The following DNAJC5B variants were observed in gnomAD, a reference collection of about 807,000 sequenced individuals.
DNAJC5B encodes the protein dnaJ homolog subfamily C member 5B.
DNAJC5B carries 23 observed loss-of-function variants against 24.7 expected under a neutral mutation model. That is an observed-to-expected ratio of 0.93 (90% CI 0.67 to 1.32). The LOEUF (loss-of-function observed/expected upper bound fraction) is 1.32. Ranked by LOEUF, DNAJC5B falls within the 40% of genes most tolerant of loss-of-function variation. The probability of loss-of-function intolerance (pLI) is 0.00; values close to 1 mark genes in which losing one functional copy is unlikely to be tolerated. For missense variants in DNAJC5B, 238 were observed against 240.8 expected (o/e 0.99, Z 0.08); for synonymous variants, 101 against 90.1 (o/e 1.12, Z -0.68).
chr8:66,015,940 A>C, the DNAJC5B span, among the ~76,000 whole-genome samples: 5 of 152,152 alleles, frequency 3.3e-5, no homozygotes, highest in Non-Finnish European at 7.4e-5. Flanking sequence ...CTGAGGGCAT[A>C]ATTGAGATTG....
chr8:66,043,048 A>C (rs1410008014), intron 1 of DNAJC5B, among the ~76,000 whole-genome samples: 2 of 152,214 alleles, frequency 1.3e-5, no homozygotes, highest in Non-Finnish European at 2.9e-5. Flanking sequence ...GAGTATGGAC[A>C]TTAGCAAGAG....
intron 3 of DNAJC5B, 89 bp from the exon 4 acceptor site, chr8:66,076,571 A>T (rs16932468): frequency 0.046 from 62,521 of 1,354,740 alleles, 2,142 homozygotes; most frequent in African/African-American, 0.16. Context: ...GCTAATAAAG[A>T]ATATACAAAT....
At chr8:66,054,675 A>G (rs1175139798) in intron 3 of DNAJC5B, among the ~76,000 whole-genome samples, 1 of 152,228 alleles carries the variant, frequency 6.6e-6, no homozygotes, top group Non-Finnish European at 1.5e-5. Context: ...TTACATGAAA[A>G]TGGTAGAGTC....
intron 1 of DNAJC5B, among the ~76,000 whole-genome samples, chr8:66,032,237 G>A (rs1196001623): frequency 1.3e-5 from 2 of 152,236 alleles, no homozygotes; most frequent in Non-Finnish European, 2.9e-5. Flanking sequence ...CAGGCCCTGA[G>A]GGTTCCTCCT....
Position 66,076,676 on chromosome 8 carries a change from C to T in DNAJC5B, c.136C>T (p.His46Tyr). The change falls in exon 4 of 6, where the codon CAC becomes TAC. Residue 46 changes from histidine (H) to tyrosine (Y), a missense_variant. His to Tyr is a moderately conservative substitution (Grantham distance 83, BLOSUM62 2). Coordinates refer to ENST00000276570, the MANE Select transcript of DNAJC5B (RefSeq NM_033105.6). Reference protein sequence around the residue: ...KKTYRKLALKHHPDKNPDDPA... With the variant: ...KKTYRKLALKYHPDKNPDDPA... ...TTTTAAAAGAAAATTGGCCCTGAAA[C>T]ACCATCCAGACAAGAATCCAGATGA... is the stretch of plus-strand genomic sequence containing the variant. 3.1e-6 allele frequency: 5 copies of T among 1,614,036 alleles called. No individual in the cohort carries two copies. The highest frequency in any genetic ancestry group is 4.2e-6 in the Non-Finnish European group (5 of 1,179,978).
chr8:66,038,903 C>G (rs1051864205), intron 1 of DNAJC5B, among the ~76,000 whole-genome samples: 1 of 152,152 alleles, frequency 6.6e-6, no homozygotes, highest in Non-Finnish European at 1.5e-5. Context: ...CTAGCAGGGG[C>G]CAAGACTCAG....
chr8:66,059,204 T>G (rs565065612), intron 3 of DNAJC5B, among the ~76,000 whole-genome samples: 2 of 152,386 alleles, frequency 1.3e-5, no homozygotes, highest in South Asian at 4.1e-4. Flanking sequence ...ATTTTATCAT[T>G]GCTAGATCAT....
At chr8:66,022,893 T>G (rs1806169833) in intron 1 of DNAJC5B, among the ~76,000 whole-genome samples, 1 of 152,184 alleles carries the variant, frequency 6.6e-6, no homozygotes, top group Non-Finnish European at 1.5e-5. Flanking sequence ...ATTGGCCCAG[T>G]TTTTAGGCTT....
At chr8:66,074,081 C>T (rs1807410715) in intron 3 of DNAJC5B, among the ~76,000 whole-genome samples, 1 of 152,082 alleles carries the variant, frequency 6.6e-6, no homozygotes, top group Admixed American at 6.6e-5. Flanking sequence ...TAAAATACTA[C>T]AAATTAATTT....
chr8:66,037,210 T>C (rs1806506754), intron 1 of DNAJC5B, among the ~76,000 whole-genome samples: 1 of 152,212 alleles, frequency 6.6e-6, no homozygotes, highest in African/African-American at 2.4e-5. Flanking sequence ...TGTGTGTGTC[T>C]GGGGTCTTGA....
intron 4 of DNAJC5B, 93 bp downstream of exon 4, chr8:66,076,966 TGCTA>T: frequency 7.4e-7 from 1 of 1,344,378 alleles, no homozygotes; most frequent in Admixed American, 1.9e-5. Context: ...CTAACCTTCC[TGCTA>T]TTAAACTCTG....
intron 5 of DNAJC5B, among the ~76,000 whole-genome samples, chr8:66,098,228 G>T (rs1377002453): frequency 6.6e-6 from 1 of 151,848 alleles, no homozygotes; most frequent in Non-Finnish European, 1.5e-5. Flanking sequence ...CTTTGAGACA[G>T]AGTCTCACTC....
intron 3 of DNAJC5B, among the ~76,000 whole-genome samples, chr8:66,069,706 T>G (rs1259377859): frequency 6.6e-6 from 1 of 152,368 alleles, no homozygotes; most frequent in East Asian, 1.9e-4. Flanking sequence ...CTAACTCATT[T>G]TATGAGGCCA....
chr8:66,068,226 G>C (rs1368379856), intron 3 of DNAJC5B, among the ~76,000 whole-genome samples: 1 of 152,122 alleles, frequency 6.6e-6, no homozygotes, highest in Non-Finnish European at 1.5e-5. Flanking sequence ...AGAAATAATA[G>C]GAACAGAGCC....
At chr8:66,040,759 T>TA (rs2128957785) in intron 1 of DNAJC5B, among the ~76,000 whole-genome samples, 1 of 152,336 alleles carries the variant, frequency 6.6e-6, no homozygotes, top group Admixed American at 6.5e-5. Context: ...TCAGAATTCT[T>TA]AAAATCTTTC....
intron 3 of DNAJC5B, among the ~76,000 whole-genome samples, chr8:66,072,354 T>C (rs1807369477): frequency 6.6e-6 from 1 of 152,170 alleles, no homozygotes; most frequent in South Asian, 2.1e-4. Context: ...TCTGGCTTGA[T>C]AAATCAATAA....
chr8:66,061,935 G>T (rs569989784), intron 3 of DNAJC5B, among the ~76,000 whole-genome samples: 63 of 152,026 alleles, frequency 4.1e-4, no homozygotes, highest in Non-Finnish European at 7.5e-4. Context: ...CATTCAGGTG[G>T]CTTCGGGGAG....
At position 66,051,648 on chromosome 8, in the gene DNAJC5B, A is replaced by T. The variant is rs1232470227; in HGVS notation, c.101A>T (p.Glu34Val). 1 of 1,611,978 alleles carries T rather than the reference A, an allele frequency of 6.2e-7. No homozygotes were observed. Among genetic ancestry groups the T allele is most frequent in the African/African-American group, 1.3e-5 (1 of 74,898 alleles). The change falls in exon 3 of 6, where the codon GAA becomes GTA. Residue 34 changes from glutamate to valine, a missense_variant. Coordinates refer to ENST00000276570, the MANE Select transcript of DNAJC5B (RefSeq NM_033105.6). ...CTGCATAAGGGAGCATCAAATGAAG[A>T]AATTAAGAAAACCTACAGGTACGGA... ...LGLHKGASNE[E>V]IKKTYRKLAL...
chr8:66,088,427 A>G (rs1807776562), intron 5 of DNAJC5B, among the ~76,000 whole-genome samples: 1 of 152,176 alleles, frequency 6.6e-6, no homozygotes, highest in Admixed American at 6.5e-5. Flanking sequence ...CATCTTGGCT[A>G]TTAACATTCA....
Sources: gnomAD v4.1 joint callset for allele counts (sites outside exome capture counted in the v4.1 genomes callset) on GRCh38, gnomAD v4.1.1 for gene constraint, MANE v1.5 for transcripts, NCBI Gene and HGNC (gene_info 2026-07-23, HGNC 2026-07-21) for gene names.